The following NEMP2 variants were observed in gnomAD, a reference collection of about 807,000 sequenced individuals.
The protein encoded by NEMP2 is UPF0571 transmembrane protein.
NEMP2 carries 53 observed loss-of-function variants against 54.2 expected under a neutral mutation model. The ratio of observed to expected loss-of-function variants is 0.98; its 90% CI spans 0.78 to 1.23. The LOEUF (loss-of-function observed/expected upper bound fraction) is 1.23. Among genes scored for constraint, NEMP2 ranks in the 50% most tolerant of loss-of-function variants. NEMP2 has a pLI of 0.00. For missense variants in NEMP2, 455 were observed against 511.3 expected (o/e 0.89, Z 1.06); for synonymous variants, 197 against 190.3 (o/e 1.04, Z -0.29).
the NEMP2 span, among the ~76,000 whole-genome samples, chr2:190,458,364 C>G: frequency 6.6e-6 from 1 of 152,062 alleles, no homozygotes; most frequent in Non-Finnish European, 1.5e-5. The surrounding 1 kb of genome is among the most constrained non-coding windows in gnomAD (Gnocchi z 5.3). Context: ...CAGATAGGCA[C>G]AAGGGAAGAT....
At chr2:190,480,363 C>T in the NEMP2 span, among the ~76,000 whole-genome samples, 7 of 148,890 alleles carry the variant, frequency 4.7e-5, no homozygotes, top group Admixed American at 3.5e-4. Flanking sequence ...ATTTTTCAGC[C>T]CCCTGTATCA....
At chr2:190,574,677 CCTTT>C in the NEMP2 span, among the ~76,000 whole-genome samples, 7 of 151,962 alleles carry the variant, frequency 4.6e-5, no homozygotes, top group East Asian at 1.9e-4. Context: ...ACTTTCTTTC[CCTTT>C]CTTTCTTCCT....
At chr2:190,518,900 T>TA in intron 3 of NEMP2, 52 bp downstream of exon 3, 1 of 1,520,128 alleles carries the variant, frequency 6.6e-7, no homozygotes. Context: ...ATTGAAAAGT[T>TA]ACTCCAGAAA....
At chr2:190,617,049 C>T in the NEMP2 span, 1 of 151,852 alleles carries the variant, frequency 6.6e-6, no homozygotes, top group African/African-American at 2.4e-5. The surrounding 1 kb of genome is among the most constrained non-coding windows in gnomAD (Gnocchi z 5.0). Flanking sequence ...TCGCCTGAGC[C>T]TGGGAGGTTG....
At chr2:190,563,047 C>T in the NEMP2 span, among the ~76,000 whole-genome samples, 1 of 152,194 alleles carries the variant, frequency 6.6e-6, no homozygotes, top group Non-Finnish European at 1.5e-5. The surrounding 1 kb of genome is among the most constrained non-coding windows in gnomAD (Gnocchi z 4.3). Context: ...CACAAAATGA[C>T]TATCTGTATG....
chr2:190,497,106 C>T, the NEMP2 span, among the ~76,000 whole-genome samples: 6 of 152,232 alleles, frequency 3.9e-5, no homozygotes, highest in South Asian at 2.1e-4. The surrounding 1 kb of genome is among the most constrained non-coding windows in gnomAD (Gnocchi z 5.2). Context: ...CCTGTTTTGA[C>T]GTCTTTTTAA....
chr2:190,500,140 C>G (rs1689952950), downstream of NEMP2: 1 of 1,614,032 alleles, frequency 6.2e-7, no homozygotes, highest in Non-Finnish European at 8.5e-7. The surrounding 1 kb of genome is among the most constrained non-coding windows in gnomAD (Gnocchi z 5.3). Context: ...CGCAGACCAG[C>G]CCCGCTCACC....
chr2:190,629,492 T>C, the NEMP2 span, among the ~76,000 whole-genome samples: 1 of 152,170 alleles, frequency 6.6e-6, no homozygotes, highest in Non-Finnish European at 1.5e-5. Flanking sequence ...TGAAGCTTGG[T>C]TGGAAGAATG....
At chr2:190,524,596 C>T (rs896560504) in intron 2 of NEMP2, among the ~76,000 whole-genome samples, 1 of 152,176 alleles carries the variant, frequency 6.6e-6, no homozygotes, top group African/African-American at 2.4e-5. Flanking sequence ...ACCTTCTCAA[C>T]GAGAACTACC....
chr2:190,561,967 C>A, the NEMP2 span, among the ~76,000 whole-genome samples: 1 of 152,006 alleles, frequency 6.6e-6, no homozygotes, highest in African/African-American at 2.4e-5. The surrounding 1 kb of genome is among the most constrained non-coding windows in gnomAD (Gnocchi z 5.4). Context: ...TACTGTTGCC[C>A]ATCTGTTTCA....
the NEMP2 span, among the ~76,000 whole-genome samples, chr2:190,449,059 G>T: frequency 6.6e-6 from 1 of 152,208 alleles, no homozygotes; most frequent in South Asian, 2.1e-4. Context: ...TATGCATATT[G>T]TCTGTCTATA....
the NEMP2 span, among the ~76,000 whole-genome samples, chr2:190,476,439 A>G: frequency 6.6e-6 from 1 of 152,276 alleles, no homozygotes; most frequent in Admixed American, 6.5e-5. Flanking sequence ...TGCAGCCAAC[A>G]GACACATGAA....
At chr2:190,636,759 A>G in the NEMP2 span, among the ~76,000 whole-genome samples, 6 of 152,342 alleles carry the variant, frequency 3.9e-5, no homozygotes, top group African/African-American at 1.4e-4. Flanking sequence ...CAAAAATCAT[A>G]TTTAGTACTT....
the NEMP2 span, among the ~76,000 whole-genome samples, chr2:190,646,180 AC>A: frequency 3.9e-5 from 6 of 152,262 alleles, no homozygotes; most frequent in African/African-American, 1.2e-4. Flanking sequence ...ACATTCTTAC[AC>A]CTGTCTGGGA....
At chr2:190,600,146 C>T in the NEMP2 span, among the ~76,000 whole-genome samples, 1 of 152,168 alleles carries the variant, frequency 6.6e-6, no homozygotes, top group African/African-American at 2.4e-5. This position sits in a 1 kb window ranked among gnomAD's most constrained non-coding sequence, Gnocchi z 4.9. Flanking sequence ...ACACACTTGC[C>T]ATCTTAGCAG....
chr2:190,516,137 T>C, intron 6 of NEMP2, 133 bp downstream of exon 6: 2 of 575,794 alleles, frequency 3.5e-6, no homozygotes, highest in South Asian at 5.7e-5. Context: ...CAAAATATTA[T>C]TTTTAGTAGC....
chr2:190,584,716 A>T, the NEMP2 span, among the ~76,000 whole-genome samples: 1 of 152,028 alleles, frequency 6.6e-6, no homozygotes, highest in African/African-American at 2.4e-5. The surrounding 1 kb of genome is among the most constrained non-coding windows in gnomAD (Gnocchi z 4.2). Context: ...TTGCAAAAAA[A>T]ATTTTAAAAA....
the NEMP2 span, among the ~76,000 whole-genome samples, chr2:190,573,391 T>C: frequency 6.6e-6 from 1 of 152,198 alleles, no homozygotes; most frequent in African/African-American, 2.4e-5. Flanking sequence ...GCCAGTGGAA[T>C]GGAAGCAGAA....
At chr2:190,647,902 C>G in the NEMP2 span, among the ~76,000 whole-genome samples, 8 of 151,856 alleles carry the variant, frequency 5.3e-5, no homozygotes, top group Non-Finnish European at 1.0e-4. Flanking sequence ...TTTGTAGAGA[C>G]GGGATTTCAC....
Sources: allele counts gnomAD v4.1 joint callset (sites outside exome capture counted in the v4.1 genomes callset), GRCh38; gene constraint gnomAD v4.1.1; non-coding constraint Gnocchi (gnomAD v3.1); transcripts MANE v1.5; gene names NCBI Gene and HGNC (gene_info 2026-07-23, HGNC 2026-07-21).